The following GRIA3 variants were observed in gnomAD, a reference collection of about 807,000 sequenced individuals.
The protein encoded by GRIA3 is glutamate ionotropic receptor AMPA type subunit 3, also known as glutamate receptor 3.
In GRIA3, 3 loss-of-function variants were observed where a neutral mutation model predicts 63.0. The ratio of observed to expected loss-of-function variants is 0.05; its 90% CI spans 0.02 to 0.12. The LOEUF (loss-of-function observed/expected upper bound fraction) is 0.12, where lower values mean the gene tolerates loss of function less well. Among genes scored for constraint, GRIA3 ranks in the 10% least tolerant of loss-of-function variants. The probability of loss-of-function intolerance (pLI) is 1.00; values close to 1 mark genes in which losing one functional copy is unlikely to be tolerated. For synonymous variants in GRIA3, 274 were observed against 257.9 expected, an observed-to-expected ratio of 1.06 and a Z score of -0.60; for missense variants, 347 against 700.9, an observed-to-expected ratio of 0.50 and a Z score of 5.70.
At position 123,408,702 on chromosome X, in the gene GRIA3, A is replaced by G. The variant is rs1029570808; in HGVS notation, c.1500+3788A>G. ...GTTCTTTCTACTAAAGACAAAAGCA[A>G]TAGCCGGGGAGGCTCTTACAGAAAT... On this transcript the variant is annotated intron_variant, in intron 10 of 15. Transcript: ENST00000620443. Among the ~76,000 whole-genome samples, 3 of 111,961 alleles carry G rather than the reference A, an allele frequency of 2.7e-5. No homozygotes were observed. The Admixed American group carries it at 2.8e-4, about 11-fold the overall frequency.
At chrX:123,445,720 C>T (rs1363678705) in intron 12 of GRIA3, among the ~76,000 whole-genome samples, 2 of 112,239 alleles carry the variant, frequency 1.8e-5, no homozygotes, top group Admixed American at 9.5e-5. Flanking sequence ...AGTAATTACT[C>T]ACATTGGAAA....
At chrX:123,307,221 G>A (rs1368191515) in intron 3 of GRIA3, among the ~76,000 whole-genome samples, 1 of 111,521 alleles carries the variant, frequency 9.0e-6, no homozygotes, top group African/African-American at 3.3e-5. Context: ...ACAACCTTGG[G>A]GCCCCTGGAA....
intron 11 of GRIA3, among the ~76,000 whole-genome samples, chrX:123,426,236 G>T (rs964366559): frequency 8.9e-6 from 1 of 111,736 alleles, no homozygotes; most frequent in African/African-American, 3.2e-5. Flanking sequence ...AAAACCTAGG[G>T]AGCAGATTTT....
chrX:123,297,183 T>C (rs770654490), intron 3 of GRIA3, among the ~76,000 whole-genome samples: 11 of 111,207 alleles, frequency 9.9e-5, no homozygotes, highest in Non-Finnish European at 1.9e-4. Context: ...ATTTACAAGA[T>C]TCTCATGTGA....
intron 2 of GRIA3, among the ~76,000 whole-genome samples, chrX:123,232,359 G>A (rs1164648075): frequency 9.0e-6 from 1 of 111,731 alleles, no homozygotes; most frequent in Non-Finnish European, 1.9e-5. Flanking sequence ...CACCTGGAAT[G>A]TGCCTACCAT....
Position 123,292,063 on chromosome X carries a change from A to AT in GRIA3, c.509-33954dup, listed in dbSNP as rs925224564. 8.2e-5 allele frequency among the ~76,000 whole-genome samples: 9 copies of AT among 109,739 alleles called. No individual in the cohort carries two copies. The South Asian group carries it at 1.2e-3, about 14-fold the overall frequency. The stretch of plus-strand genomic sequence containing the variant: ...AGCATCTAGCTGTGTGTCAAGTTTT[A>AT]TTTTTTTTTCCTAGCCACCAAGCTG... On this transcript the variant is annotated intron_variant, in intron 3 of 15. Transcript: ENST00000620443.
intron 2 of GRIA3, among the ~76,000 whole-genome samples, chrX:123,218,322 T>TG (rs1185303375): frequency 1.8e-5 from 2 of 112,012 alleles, no homozygotes; most frequent in Non-Finnish European, 3.8e-5. Context: ...CCATTTGACT[T>TG]GCGATGGGTC....
At chrX:123,349,849 T>G (rs190782443) in intron 4 of GRIA3, among the ~76,000 whole-genome samples, 1 of 112,385 alleles carries the variant, frequency 8.9e-6, no homozygotes, top group South Asian at 3.7e-4. Flanking sequence ...GGCAATTTAG[T>G]ACCTTGGGGG....
rs2045826621 is a variant in GRIA3 at position 123,464,894 on chromosome X, G to A, written c.2106G>A (p.Met702Ile). Residue 702 changes from methionine to isoleucine, a missense_variant, in exon 13 of 16, where the codon ATG becomes ATA. This residue lies in a region of GRIA3 where 49 missense variants were observed against 176.6 expected (regional missense o/e 0.28). Coordinates refer to ENST00000620443, the MANE Select transcript of GRIA3 (RefSeq NM_007325.5). ...CCAAAATTGCTGTGTACGAGAAAAT[G>A]TGGTCTTACATGAAATCAGCGGAGC... is the stretch of plus-strand genomic sequence containing the variant. ...RRSKIAVYEK[M>I]WSYMKSAEPS... 8.3e-7 allele frequency: 1 copy of A among 1,204,894 alleles called. No homozygotes were observed. The highest frequency in any genetic ancestry group is 1.1e-6 in the Non-Finnish European group (1 of 890,897).
chrX:123,337,385 TC>T (rs1429151786), intron 4 of GRIA3, among the ~76,000 whole-genome samples: 4 of 112,099 alleles, frequency 3.6e-5, no homozygotes, highest in African/African-American at 1.3e-4. Flanking sequence ...TTTAATTATC[TC>T]AATAGCAGAA....
At chrX:123,293,231 C>A (rs1261989419) in intron 3 of GRIA3, among the ~76,000 whole-genome samples, 1 of 110,611 alleles carries the variant, frequency 9.0e-6, no homozygotes, top group Non-Finnish European at 1.9e-5. Flanking sequence ...TGACACCTAT[C>A]TATGCCAAGC....
chrX:123,295,797 C>A (rs1203309133), intron 3 of GRIA3, among the ~76,000 whole-genome samples: 1 of 111,353 alleles, frequency 9.0e-6, no homozygotes, highest in Non-Finnish European at 1.9e-5. Flanking sequence ...AGGCAAGAAA[C>A]ACAGACATAC....
chrX:123,196,038 G>A (rs1367270667), intron 2 of GRIA3, among the ~76,000 whole-genome samples: 1 of 111,333 alleles, frequency 9.0e-6, no homozygotes, highest in African/African-American at 3.3e-5. Context: ...GCGCCCAGCA[G>A]ATCAGAAGAG....
chrX:123,252,143 T>G (rs899395911), intron 2 of GRIA3, among the ~76,000 whole-genome samples: 4 of 111,928 alleles, frequency 3.6e-5, no homozygotes, highest in South Asian at 3.8e-4. Context: ...CCATCAAAAT[T>G]TACCCATCTG....
intron 4 of GRIA3, among the ~76,000 whole-genome samples, chrX:123,349,653 T>C (rs1272183461): frequency 8.9e-6 from 1 of 112,529 alleles, no homozygotes; most frequent in East Asian, 2.8e-4. Flanking sequence ...CCATTACCAT[T>C]GGGCTGACTT....
chrX:123,427,233 G>C (rs758649794), intron 11 of GRIA3, among the ~76,000 whole-genome samples: 111 of 112,336 alleles, frequency 9.9e-4, no homozygotes, highest in Non-Finnish European at 1.7e-3. Flanking sequence ...CTTCAAGTGA[G>C]AAGAGGTTTT....
At chrX:123,465,936 A>G in intron 13 of GRIA3, 1 of 529,165 alleles carries the variant, frequency 1.9e-6, no homozygotes. Context: ...GGGAACCAAA[A>G]AGACTTTAGG....
chrX:123,459,449 T>C (rs1436507887), intron 12 of GRIA3, among the ~76,000 whole-genome samples: 1 of 111,939 alleles, frequency 8.9e-6, no homozygotes, highest in Non-Finnish European at 1.9e-5. Context: ...ATATTTGACC[T>C]TCATGATGTA....
chrX:123,470,317 A>G (rs969275159), intron 13 of GRIA3, among the ~76,000 whole-genome samples: 1 of 111,953 alleles, frequency 8.9e-6, no homozygotes, highest in Non-Finnish European at 1.9e-5. Flanking sequence ...CAGTTTTACT[A>G]TATCTTCAAA....
Sources: gnomAD v4.1 joint callset for allele counts (sites outside exome capture counted in the v4.1 genomes callset) on GRCh38, gnomAD v4.1.1 for gene constraint, gnomAD v4.1.1 regional missense constraint, MANE v1.5 for transcripts, NCBI Gene and HGNC (gene_info 2026-07-23, HGNC 2026-07-21) for gene names.